Variants in RAB3GAP1 observed in about 807,000 individuals in gnomAD.
The protein encoded by RAB3GAP1 is RAB3 GTPase activating protein catalytic subunit 1, also known as rab3 GTPase-activating protein catalytic subunit.
A neutral mutation model predicts 130.7 loss-of-function variants in RAB3GAP1; 86 were observed. The observed-to-expected ratio is 0.66, with a 90% CI of 0.55 to 0.79. The LOEUF (loss-of-function observed/expected upper bound fraction) is 0.79, where lower values mean the gene tolerates loss of function less well. RAB3GAP1 is among the 30% of genes least tolerant of loss of function. The pLI is 0.00. For synonymous variants in RAB3GAP1, 367 were observed against 401.7 expected, an observed-to-expected ratio of 0.91 and a Z score of 1.03; for missense variants, 1,029 against 1,169.4, an observed-to-expected ratio of 0.88 and a Z score of 1.75.
intron 3 of RAB3GAP1, among the ~76,000 whole-genome samples, chr2:135,075,579 G>GT (rs1689607459): frequency 6.7e-6 from 1 of 149,720 alleles, no homozygotes; most frequent in African/African-American, 2.5e-5. Context: ...TTACTTTCCA[G>GT]TTTTTGCAGT....
Position 135,162,826 on chromosome 2 carries a change from C to G in RAB3GAP1, c.2465C>G (p.Pro822Arg), listed in dbSNP as rs1415560409. 3.1e-6 allele frequency: 5 copies of G among 1,612,902 alleles called. No individual in the cohort carries two copies. The South Asian group carries it at 4.4e-5, about 14-fold the overall frequency. The change falls in exon 21 of 24, where the codon CCC becomes CGC. Residue 822 changes from proline to arginine, a missense_variant. Transcript: ENST00000264158. ...CATTCCAGTAAAGTTTTGCACTTCC[C>G]CAATCCAGAAGACAAGAAATTGGAA... is the stretch of plus-strand genomic sequence containing the variant. ...ISHSSKVLHF[P>R]NPEDKKLEEI... is the part of the protein sequence containing the mutation.
intron 8 of RAB3GAP1, among the ~76,000 whole-genome samples, chr2:135,121,672 G>A (rs879417167): frequency 5.3e-5 from 8 of 152,028 alleles, no homozygotes; most frequent in Non-Finnish European, 1.2e-4. Flanking sequence ...GCCTGAAAAC[G>A]TTTTTTAATC....
At chr2:135,074,900 T>C (rs1689578614) in intron 3 of RAB3GAP1, among the ~76,000 whole-genome samples, 1 of 152,164 alleles carries the variant, frequency 6.6e-6, no homozygotes, top group Non-Finnish European at 1.5e-5. Context: ...AAAGGGGCCA[T>C]GTATGGACGA....
At chr2:135,118,253 A>G (rs1256038315) in intron 7 of RAB3GAP1, among the ~76,000 whole-genome samples, 7 of 151,994 alleles carry the variant, frequency 4.6e-5, no homozygotes, top group Admixed American at 1.3e-4. Flanking sequence ...CCCAACTTAC[A>G]TCTTGGCTAT....
chr2:135,059,492 T>C (rs1262774196), intron 3 of RAB3GAP1, among the ~76,000 whole-genome samples: 1 of 152,160 alleles, frequency 6.6e-6, no homozygotes, highest in Non-Finnish European at 1.5e-5. Flanking sequence ...AACATTAAAA[T>C]TTTATTTTAT....
chr2:135,108,404 A>G lies in RAB3GAP1; in HGVS notation c.363-4747A>G, dbSNP rs1690693757. Among the ~76,000 whole-genome samples, 4 of 152,158 alleles carry G rather than the reference A, an allele frequency of 2.6e-5. No homozygotes were observed. In the South Asian group the frequency reaches 8.3e-4, roughly 32 times the overall value. ...CCTAGTAGGTATGTAGTGGTCTCTC[A>G]CTGTTTTAATTTCACTTCCCTGATT... On this transcript the variant is annotated intron_variant, in intron 5 of 23. Coordinates refer to ENST00000264158, the MANE Select transcript of RAB3GAP1 (RefSeq NM_012233.3).
intron 17 of RAB3GAP1, among the ~76,000 whole-genome samples, chr2:135,137,540 G>T (rs1459998586): frequency 6.6e-6 from 1 of 152,202 alleles, no homozygotes; most frequent in Non-Finnish European, 1.5e-5. Context: ...CTAACTTGAA[G>T]ATAAATCTTT....
chr2:135,146,612 C>A (rs1692001502), intron 17 of RAB3GAP1, among the ~76,000 whole-genome samples: 1 of 152,140 alleles, frequency 6.6e-6, no homozygotes, highest in African/African-American at 2.4e-5. Context: ...GGATTAATAT[C>A]CTGCATCACC....
Position 135,147,522 on chromosome 2 carries a change from T to C in RAB3GAP1, c.1924-2847T>C, listed in dbSNP as rs1187793866. On this transcript the variant is annotated intron_variant, in intron 17 of 23. Coordinates refer to ENST00000264158, the MANE Select transcript of RAB3GAP1 (RefSeq NM_012233.3). ...AGTTTGTTCAGGATTAAGTCACATA[T>C]CATATTCGAAAACACTTGGCATGTA... Among the ~76,000 whole-genome samples the C allele has an allele frequency of 3.9e-5, 6 of 152,126 alleles. No individual in the cohort carries two copies. The East Asian group carries it at 7.7e-4, about 20-fold the overall frequency.
intron 19 of RAB3GAP1, among the ~76,000 whole-genome samples, chr2:135,158,310 T>C (rs532170756): frequency 6.6e-6 from 1 of 152,068 alleles, no homozygotes; most frequent in African/African-American, 2.4e-5. Flanking sequence ...GATTTCAAGA[T>C]TGAGGCAAGG....
chr2:135,147,930 T>C (rs749245090), intron 17 of RAB3GAP1, among the ~76,000 whole-genome samples: 1 of 152,132 alleles, frequency 6.6e-6, no homozygotes, highest in Admixed American at 6.5e-5. Flanking sequence ...GCTTCTTCTT[T>C]CCTGAAATAA....
chr2:135,090,631 A>T (rs1690116106), intron 3 of RAB3GAP1, among the ~76,000 whole-genome samples: 1 of 152,220 alleles, frequency 6.6e-6, no homozygotes, highest in Non-Finnish European at 1.5e-5. Flanking sequence ...GTGTCATGCC[A>T]CTTAAATTGA....
chr2:135,101,078 A>T (rs1483743303), intron 5 of RAB3GAP1, among the ~76,000 whole-genome samples: 1 of 152,220 alleles, frequency 6.6e-6, no homozygotes, highest in East Asian at 1.9e-4. Context: ...AAGGTTGGGT[A>T]TAGCAGTAGA....
rs191152444 is a variant in RAB3GAP1, at chr2:135,056,243, C to T, written c.75-1768C>T. Among the ~76,000 whole-genome samples the T allele has an allele frequency of 2.0e-3, 301 of 152,166 alleles. 1 individual carries two copies. The highest frequency in any genetic ancestry group is 7.0e-3 in the African/African-American group (292 of 41,510). The stretch of plus-strand genomic sequence containing the variant: ...TTTGAGACAGAGTCTCACTCTGTTG[C>T]CCAGGCTGGGGTGCAGTGGTGCAGT... On this transcript the variant is annotated intron_variant, in intron 2 of 23. Coordinates refer to ENST00000264158, the MANE Select transcript of RAB3GAP1 (RefSeq NM_012233.3).
At chr2:135,117,140 G>A (rs1211180239) in intron 7 of RAB3GAP1, among the ~76,000 whole-genome samples, 2 of 152,022 alleles carry the variant, frequency 1.3e-5, no homozygotes, top group African/African-American at 2.4e-5. Context: ...GTTAGCAGTG[G>A]CTTGTGATTA....
At chr2:135,119,746 A>G (rs751073293) in intron 7 of RAB3GAP1, among the ~76,000 whole-genome samples, 3 of 152,184 alleles carry the variant, frequency 2.0e-5, no homozygotes, top group Non-Finnish European at 4.4e-5. Flanking sequence ...TTCCTTTGCT[A>G]CTCAAAGTGT....
chr2:135,126,015 T>G (rs969427710), intron 9 of RAB3GAP1, among the ~76,000 whole-genome samples, 166 bp from the exon 10 acceptor site: 2 of 152,210 alleles, frequency 1.3e-5, no homozygotes, highest in African/African-American at 4.8e-5. Context: ...AACATTAACT[T>G]CATAAGGATG....
intron 4 of RAB3GAP1, among the ~76,000 whole-genome samples, chr2:135,091,646 T>C (rs1426125010): frequency 3.9e-5 from 6 of 152,314 alleles, no homozygotes; most frequent in African/African-American, 1.4e-4. Context: ...TGCTAGTTAG[T>C]TGCCCCATCT....
At chr2:135,072,212 T>C (rs1689494953) in intron 3 of RAB3GAP1, among the ~76,000 whole-genome samples, 1 of 152,148 alleles carries the variant, frequency 6.6e-6, no homozygotes, top group African/African-American at 2.4e-5. Flanking sequence ...TGCCCAGCCA[T>C]ATATTGGATC....
Sources: allele counts gnomAD v4.1 joint callset (sites outside exome capture counted in the v4.1 genomes callset), GRCh38; gene constraint gnomAD v4.1.1; transcripts MANE v1.5; gene names NCBI Gene and HGNC (gene_info 2026-07-23, HGNC 2026-07-21).